ASIP: variants seen among roughly 807,000 people sequenced by gnomAD.
The protein encoded by ASIP is agouti-signaling protein.
In ASIP, 11 loss-of-function variants were observed where a neutral mutation model predicts 10.3. The ratio of observed to expected loss-of-function variants is 1.07; its 90% CI spans 0.68 to 1.78. The LOEUF (loss-of-function observed/expected upper bound fraction) is 1.78, where lower values mean the gene tolerates loss of function less well. ASIP is among the 40% of genes most tolerant of loss of function. The pLI is 0.00. For missense variants in ASIP, 180 were observed against 169.2 expected (o/e 1.06, Z -0.35); for synonymous variants, 70 against 70.8 (o/e 0.99, Z 0.06).
At chr20:34,211,837 G>T (rs1432681832) in intron 1 of ASIP, among the ~76,000 whole-genome samples, 1 of 152,088 alleles carries the variant, frequency 6.6e-6, no homozygotes, top group Non-Finnish European at 1.5e-5. Flanking sequence ...TCTCTGGGTC[G>T]TTAGCTTTTT....
chr20:34,191,503 A>C (rs1246757241), upstream of ASIP, among the ~76,000 whole-genome samples: 3 of 152,166 alleles, frequency 2.0e-5, no homozygotes, highest in Admixed American at 2.0e-4. Flanking sequence ...CCACAAAAGG[A>C]GGCTGCAGTG....
chr20:34,242,511 G>A (rs556242260), intron 1 of ASIP, among the ~76,000 whole-genome samples: 1 of 152,310 alleles, frequency 6.6e-6, no homozygotes, highest in South Asian at 2.1e-4. Context: ...GGGATTACAG[G>A]CGTGAGCCAC....
At chr20:34,266,224 C>T (rs1239982025) in intron 3 of ASIP, among the ~76,000 whole-genome samples, 3 of 151,866 alleles carry the variant, frequency 2.0e-5, no homozygotes, top group Admixed American at 2.0e-4. Flanking sequence ...TGGTGGCGGG[C>T]GCCTGTAGTC....
chr20:34,224,689 G>GAT (rs1462676209), intron 1 of ASIP, among the ~76,000 whole-genome samples: 6 of 151,668 alleles, frequency 4.0e-5, no homozygotes, highest in Non-Finnish European at 5.9e-5. Flanking sequence ...CTTCTGAGGC[G>GAT]ACTCTAATGA....
chr20:34,256,596 C>A (rs957478392), intron 1 of ASIP, among the ~76,000 whole-genome samples: 102 of 152,276 alleles, frequency 6.7e-4, no homozygotes, highest in Middle Eastern at 3.4e-3. Flanking sequence ...AGCCACCATG[C>A]CTGGCCTCTT....
chr20:34,238,621 T>A (rs2035242005), upstream of ASIP, among the ~76,000 whole-genome samples: 1 of 152,172 alleles, frequency 6.6e-6, no homozygotes, highest in Non-Finnish European at 1.5e-5. Flanking sequence ...ACAATTGTTT[T>A]AATATATTTG....
chr20:34,202,094 AG>A (rs2034903644), intron 1 of ASIP, among the ~76,000 whole-genome samples: 1 of 151,820 alleles, frequency 6.6e-6, no homozygotes, highest in Non-Finnish European at 1.5e-5. Context: ...AAAAAAAAAA[AG>A]ATTAGTGCCT....
intron 1 of ASIP, among the ~76,000 whole-genome samples, chr20:34,200,162 A>G (rs1338395824): frequency 1.3e-5 from 2 of 152,140 alleles, no homozygotes; most frequent in Non-Finnish European, 2.9e-5. Context: ...CATTCTTCAG[A>G]TGTTTGGCTC....
At chr20:34,221,692 A>C (rs951107997) in intron 1 of ASIP, among the ~76,000 whole-genome samples, 1 of 152,228 alleles carries the variant, frequency 6.6e-6, no homozygotes, top group African/African-American at 2.4e-5. Flanking sequence ...TAGGTGGAAA[A>C]GATTTTAGAA....
chr20:34,221,801 G>A (rs1411637847), intron 1 of ASIP, among the ~76,000 whole-genome samples: 1 of 152,098 alleles, frequency 6.6e-6, no homozygotes, highest in Non-Finnish European at 1.5e-5. Context: ...AAAGAAAAGA[G>A]CAAAGGACAC....
intron 1 of ASIP, among the ~76,000 whole-genome samples, chr20:34,256,594 T>G (rs2035573136): frequency 6.6e-6 from 1 of 152,020 alleles, no homozygotes; most frequent in Non-Finnish European, 1.5e-5. Context: ...TGAGCCACCA[T>G]GCCTGGCCTC....
chr20:34,241,380 G>A, upstream of ASIP: 1 of 893,692 alleles, frequency 1.1e-6, no homozygotes. Flanking sequence ...AGTATGATTG[G>A]TTGTTTTCTT....
At chr20:34,246,686 G>C in intron 1 of ASIP, 1 of 465,910 alleles carries the variant, frequency 2.1e-6, no homozygotes, top group South Asian at 2.0e-5. Context: ...TTGAACTCCT[G>C]ACCTCAAGTG....
At chr20:34,246,117 CTTT>C in intron 1 of ASIP, 3 of 909,014 alleles carry the variant, frequency 3.3e-6, no homozygotes, top group Non-Finnish European at 5.3e-6. Context: ...CTTTGTGCTT[CTTT>C]AAGATCAATT....
chr20:34,236,945 C>A (rs999071669), upstream of ASIP, among the ~76,000 whole-genome samples: 1 of 152,066 alleles, frequency 6.6e-6, no homozygotes, highest in East Asian at 1.9e-4. Context: ...TTTCCTAGTA[C>A]CATTTGTTGA....
At position 34,201,017 on chromosome 20, in the gene ASIP, CTTCTTTCT is replaced by C. The variant is rs1215561275; in HGVS notation, c.-11+6296_-11+6303del. Among the ~76,000 whole-genome samples the C allele has an allele frequency of 2.5e-3, 159 of 63,448 alleles. 1 individual carries two copies. Among genetic ancestry groups the C allele is most frequent in the Non-Finnish European group, 3.4e-3 (112 of 32,508 alleles). The allele number at this position is 63,448 out of a possible 152,430, so 41.6% of individuals were successfully genotyped here. A position where few individuals can be genotyped will look rare whatever the true frequency, so the allele number is the denominator to read the frequency against. ...CCTTCCTTCCTTCCTTCCTTCCTTCCTTCTTTCTTTCTTTCTTTCTTTCTTTCTTTCTT... is the reference window on the plus strand; with the variant it reads ...CCTTCCTTCCTTCCTTCCTTCCTTCCTTCTTTCTTTCTTTCTTTCTTTCTT... On this transcript the variant is annotated intron_variant, in intron 1 of 3. Transcript: ENST00000568305.
At chr20:34,257,066 T>C (rs199763418) in intron 1 of ASIP, among the ~76,000 whole-genome samples, 4 of 93,546 alleles carry the variant, frequency 4.3e-5, no homozygotes, top group South Asian at 6.3e-4. Flanking sequence ...CTCTCTTTCT[T>C]TCTCTTTTTT....
At chr20:34,195,165 A>G (rs933165078) in intron 1 of ASIP, among the ~76,000 whole-genome samples, 1 of 150,646 alleles carries the variant, frequency 6.6e-6, no homozygotes, top group African/African-American at 2.5e-5. Context: ...TGTACCCTTC[A>G]CTGTACCAGA....
intron 1 of ASIP, among the ~76,000 whole-genome samples, chr20:34,200,957 T>C (rs1200659036): frequency 9.9e-6 from 1 of 101,490 alleles, no homozygotes; most frequent in Non-Finnish European, 1.7e-5. Context: ...ATTTTCTTTC[T>C]TTCTTTCTTT....
Sources: gnomAD v4.1 joint callset for allele counts (sites outside exome capture counted in the v4.1 genomes callset) on GRCh38, gnomAD v4.1.1 for gene constraint, MANE v1.5 for transcripts, NCBI Gene and HGNC (gene_info 2026-07-23, HGNC 2026-07-21) for gene names.